The following BIRC6 variants were observed in gnomAD, a reference collection of about 807,000 sequenced individuals.
The protein encoded by BIRC6 is dual E2 ubiquitin-conjugating enzyme/E3 ubiquitin-protein ligase BIRC6.
Under a neutral mutation model 503.3 loss-of-function variants are expected in BIRC6, and 98 were observed. The ratio of observed to expected loss-of-function variants is 0.19; its 90% CI spans 0.17 to 0.23. The LOEUF (loss-of-function observed/expected upper bound fraction) is 0.23. BIRC6 is among the 10% of genes least tolerant of loss of function. BIRC6 has a pLI of 1.00. For missense variants in BIRC6, 5,360 were observed against 5,806.0 expected (o/e 0.92, Z 2.50); for synonymous variants, 2,240 against 2,078.7 (o/e 1.08, Z -2.11).
chr2:32,377,327 T>C (rs1490344299), intron 1 of BIRC6, among the ~76,000 whole-genome samples: 1 of 151,946 alleles, frequency 6.6e-6, no homozygotes, highest in Non-Finnish European at 1.5e-5. Flanking sequence ...TTGCTGTGTT[T>C]ATTTCTCAGA....
intron 35 of BIRC6, 47 bp downstream of exon 35, chr2:32,477,630 G>A: frequency 6.8e-7 from 1 of 1,461,854 alleles, no homozygotes; most frequent in Admixed American, 1.9e-5. Flanking sequence ...CGGGCGCAGT[G>A]GCTCATGCCT....
intron 62 of BIRC6, among the ~76,000 whole-genome samples, chr2:32,544,592 G>T (rs535782915): frequency 2.0e-5 from 3 of 150,854 alleles, no homozygotes; most frequent in Non-Finnish European, 3.0e-5. Flanking sequence ...TTTGATTAGG[G>T]TCGATTTCTT....
At chr2:32,500,209 A>G in intron 46 of BIRC6, 100 bp downstream of exon 46, 2 of 1,103,048 alleles carry the variant, frequency 1.8e-6, no homozygotes, top group Non-Finnish European at 1.3e-6. Context: ...TTTATAGTGT[A>G]AAACTGCTTT....
chr2:32,481,199 GTTTT>G (rs533082288), intron 37 of BIRC6, 117 bp from the exon 38 acceptor site: 1 of 690,154 alleles, frequency 1.4e-6, no homozygotes, highest in African/African-American at 1.9e-5. Flanking sequence ...CATACATAGA[GTTTT>G]TTTTTTTAGG....
intron 3 of BIRC6, 94 bp downstream of exon 3, chr2:32,380,384 C>G (rs2037446099): frequency 7.2e-7 from 1 of 1,396,560 alleles, no homozygotes; most frequent in African/African-American, 1.5e-5. Context: ...TGGAAATGTT[C>G]TAATTCTAGA....
chr2:32,577,640 C>T (rs1423232870), intron 66 of BIRC6, among the ~76,000 whole-genome samples: 1 of 152,062 alleles, frequency 6.6e-6, no homozygotes, highest in East Asian at 1.9e-4. Flanking sequence ...ATTTGGACAC[C>T]TATAGTGCCT....
intron 39 of BIRC6, among the ~76,000 whole-genome samples, chr2:32,485,192 ATGTGTT>A (rs2050857190): frequency 6.6e-6 from 1 of 152,114 alleles, no homozygotes; most frequent in Non-Finnish European, 1.5e-5. Context: ...GCTAGGGAGT[ATGTGTT>A]TGTGTGTGCG....
Position 32,485,722 on chromosome 2 carries a change from T to G in BIRC6, c.7776T>G (p.Asp2592Glu). 6.2e-7 allele frequency: 1 copy of G among 1,613,540 alleles called. No individual in the cohort carries two copies. Among genetic ancestry groups the G allele is most frequent in the Non-Finnish European group, 8.5e-7 (1 of 1,179,544 alleles). ...AAATGATGTCTACTCTGGAGGCAGA[T>G]TCCATTTTACAGGCATTAACAAATA... ...MLKMMSTLEA[D>E]SILQALTNTS... Residue 2592 changes from aspartate (D) to glutamate (E), a missense_variant, in exon 40 of 74, where the codon GAT becomes GAG. Asp to Glu is a conservative substitution (Grantham distance 45). This residue lies in a region of BIRC6 where 2,299 missense variants were observed against 2,267.2 expected (regional missense o/e 1.01). Transcript: ENST00000421745.
At chr2:32,546,449 G>T (rs1207588293) in intron 63 of BIRC6, among the ~76,000 whole-genome samples, 3 of 151,922 alleles carry the variant, frequency 2.0e-5, no homozygotes, top group African/African-American at 7.3e-5. Context: ...ACATGGTGGC[G>T]TGTGCCTGTA....
At chr2:32,575,092 C>G (rs1412364441) in intron 65 of BIRC6, 64 bp from the exon 66 acceptor site, 1 of 1,540,994 alleles carries the variant, frequency 6.5e-7, no homozygotes, top group African/African-American at 1.4e-5. Flanking sequence ...AAGCTACATT[C>G]CTGTGGACCT....
intron 28 of BIRC6, 130 bp downstream of exon 28, chr2:32,468,241 G>C: frequency 9.5e-7 from 1 of 1,051,220 alleles, no homozygotes; most frequent in East Asian, 2.6e-5. Context: ...TAGGAGATTA[G>C]CACGTTACAA....
intron 65 of BIRC6, chr2:32,565,039 A>C (rs889351387): frequency 6.6e-6 from 1 of 152,248 alleles, no homozygotes; most frequent in Non-Finnish European, 1.5e-5. Context: ...GCATACTGTT[A>C]GGACCACTTC....
chr2:32,608,877 A>G (rs954158202), intron 72 of BIRC6, among the ~76,000 whole-genome samples: 2 of 151,864 alleles, frequency 1.3e-5, no homozygotes, highest in African/African-American at 4.8e-5. Context: ...GGAGAATGCC[A>G]TTTCTTTTTT....
chr2:32,361,680 C>T (rs973560085), intron 1 of BIRC6, among the ~76,000 whole-genome samples: 2 of 152,182 alleles, frequency 1.3e-5, no homozygotes, highest in Non-Finnish European at 2.9e-5. Context: ...ATTCATCCTT[C>T]CCTTCCTTTT....
chr2:32,377,873 A>G lies in BIRC6; in HGVS notation c.507+104A>G, dbSNP rs921009513. On this transcript the variant is annotated intron_variant, in intron 2 of 73. Coordinates refer to ENST00000421745, the MANE Select transcript of BIRC6 (RefSeq NM_016252.4). ...ATCCTTTAAGGACGTTATTATATAT[A>G]TTGCTATAAAAACAATTTACTTATT... is the stretch of plus-strand genomic sequence containing the variant. The G allele has an allele frequency of 2.0e-5, 20 of 985,740 alleles. No individual in the cohort carries two copies. The African/African-American group carries it at 3.4e-4, about 17-fold the overall frequency. The allele number at this position is 985,740 out of a possible 1,614,324, so 61.1% of individuals were successfully genotyped here.
At chr2:32,602,282 G>A (rs911788531) in intron 70 of BIRC6, among the ~76,000 whole-genome samples, 2 of 152,172 alleles carry the variant, frequency 1.3e-5, no homozygotes, top group African/African-American at 4.8e-5. Flanking sequence ...TTCTTTCATA[G>A]CAACATAGAT....
chr2:32,488,428 CTAATT>C (rs1572571481), intron 41 of BIRC6, among the ~76,000 whole-genome samples, 155 bp from the exon 42 acceptor site: 1 of 152,080 alleles, frequency 6.6e-6, no homozygotes, highest in African/African-American at 2.4e-5. Flanking sequence ...TGCTGATCAA[CTAATT>C]TAATTAACTA....
intron 65 of BIRC6, among the ~76,000 whole-genome samples, chr2:32,559,503 T>G (rs903699833): frequency 6.6e-6 from 1 of 152,218 alleles, no homozygotes; most frequent in African/African-American, 2.4e-5. Flanking sequence ...AAAAATAGAA[T>G]GAAAGAATTC....
intron 5 of BIRC6, 110 bp downstream of exon 5, chr2:32,392,260 G>A: frequency 2.6e-6 from 2 of 758,348 alleles, no homozygotes. Flanking sequence ...CACCTTGTAT[G>A]CTTGCTTGTA....
Sources: gnomAD v4.1 joint callset for allele counts (sites outside exome capture counted in the v4.1 genomes callset) on GRCh38, gnomAD v4.1.1 for gene constraint, gnomAD v4.1.1 regional missense constraint, MANE v1.5 for transcripts, NCBI Gene and HGNC (gene_info 2026-07-23, HGNC 2026-07-21) for gene names.